Variants in CCDC188 observed in about 807,000 individuals in gnomAD.
The protein encoded by CCDC188 is coiled-coil domain containing 188.
CCDC188 carries 37 observed loss-of-function variants against 50.7 expected under a neutral mutation model. That is an observed-to-expected ratio of 0.73 (90% confidence interval 0.56 to 0.96). CCDC188 has a LOEUF of 0.96. Ranked by LOEUF, CCDC188 falls within the 40% of genes least tolerant of loss-of-function variation. The probability of loss-of-function intolerance (pLI) is 0.00; values close to 1 mark genes in which losing one functional copy is unlikely to be tolerated. For missense variants in CCDC188, 453 were observed against 512.9 expected (o/e 0.88, Z 1.13); for synonymous variants, 208 against 228.0 (o/e 0.91, Z 0.79).
chr22:20,149,201 T>A lies in CCDC188; in HGVS notation c.958A>T (p.Met320Leu). 1 of 1,469,106 alleles carries A rather than the reference T, an allele frequency of 6.8e-7. No individual in the cohort carries two copies. The highest frequency in any genetic ancestry group is 9.0e-7 in the Non-Finnish European group (1 of 1,106,842). 91.0% of individuals were successfully genotyped at this position (1,469,106 alleles called of 1,614,324 possible). A position where few individuals can be genotyped will look rare whatever the true frequency, so the allele number is the denominator to read the frequency against. ...CRTRARKEKQ[M>L]ASMSKGRPKL... ...GGGGGGCTCACCGACATGCTTGCCA[T>A]CTGCTTCTCCTTCCTGGCTCGAGTG... Residue 320 changes from methionine (M) to leucine (L), a missense_variant, in exon 7 of 9, where the codon ATG (methionine) becomes TTG (leucine). Met to Leu is a conservative substitution (Grantham distance 15, BLOSUM62 2). Transcript: ENST00000439765.
At position 20,149,777 on chromosome 22, in the gene CCDC188, C is replaced by T. The variant is rs1366483978; in HGVS notation, c.736G>A (p.Glu246Lys). 4.6e-6 allele frequency: 7 copies of T among 1,512,614 alleles called. No homozygotes were observed. The highest frequency in any genetic ancestry group is 3.9e-5 in the South Asian group (3 of 77,288). The allele number at this position is 1,512,614 out of a possible 1,614,324, so 93.7% of individuals were successfully genotyped here. The change falls in exon 4 of 9, where the codon GAG becomes AAG. Residue 246 changes from glutamate (E) to lysine (K), a missense_variant. Coordinates refer to ENST00000439765, the MANE Select transcript of CCDC188 (RefSeq NM_001365892.2). ...QEAFVQQSQN[E>K]LQQIRLCFER... ...AAGCACAGGCGGATCTGCTGCAGCT[C>T]GTTCTGAGGGTGGGGCCCAGGATGG...
At position 20,150,837 on chromosome 22, in the gene CCDC188, G is replaced by T; in HGVS notation, c.150C>A (p.His50Gln). The change falls in exon 1 of 9, where the codon CAC becomes CAA. Residue 50 changes from histidine (H) to glutamine (Q), a missense_variant. His to Gln is a conservative substitution (Grantham distance 24). Transcript: ENST00000439765. ...WPCLGPISSA[H>Q]SVQSQRPFPV... ...GGAAAGGTCTCTGGGACTGCACTGA[G>T]TGAGCAGAGGAGATGGGGCCCAGGC... The T allele has an allele frequency of 6.5e-7, 1 of 1,531,966 alleles. No homozygotes were observed. Among genetic ancestry groups the T allele is most frequent in the Non-Finnish European group, 8.8e-7 (1 of 1,133,624 alleles). The allele number at this position is 1,531,966 out of a possible 1,614,324, so 94.9% of individuals were successfully genotyped here.
At position 20,149,217 on chromosome 22, in the gene CCDC188, G is replaced by A; in HGVS notation, c.942C>T (p.Ala314=). ...LRERAQCRTR[A]RKEKQMASMS... is the part of the protein sequence containing the mutation. ...TGCTTGCCATCTGCTTCTCCTTCCT[G>A]GCTCGAGTGCGGCACTGGGCCCGCT... The change falls in exon 7 of 9, where the codon GCC becomes GCT. Residue 314 remains alanine (A), a synonymous_variant. Coordinates refer to ENST00000439765, the MANE Select transcript of CCDC188 (RefSeq NM_001365892.2). 6.8e-7 allele frequency: 1 copy of A among 1,473,292 alleles called. No individual in the cohort carries two copies. Among genetic ancestry groups the A allele is most frequent in the South Asian group, 1.4e-5 (1 of 71,018 alleles). The allele number at this position is 1,473,292 out of a possible 1,614,324, so 91.3% of individuals were successfully genotyped here.
At chr22:20,149,676 C>T (rs1181969054) in intron 4 of CCDC188, 36 bp from the exon 5 acceptor site, 6 of 1,545,878 alleles carry the variant, frequency 3.9e-6, no homozygotes, top group Non-Finnish European at 5.2e-6. Flanking sequence ...AGGAGCAGGA[C>T]CCACTGGGTG....
chr22:20,149,490 G>A lies in CCDC188; in HGVS notation c.850-14C>T, dbSNP rs1428444588. 3 of 1,550,048 alleles carry A rather than the reference G, an allele frequency of 1.9e-6. No individual in the cohort carries two copies. The highest frequency in any genetic ancestry group is 3.9e-5 in the Admixed American group (2 of 50,982). ...CTTCTTGAGGTTCTGGGGGCCAGAG[G>A]AGGTAAGCACAGCAGGCCCCTCGCC... is the stretch of plus-strand genomic sequence containing the variant. On this transcript the variant is annotated splice_polypyrimidine_tract_variant and intron_variant, in intron 5 of 8. Transcript: ENST00000439765.
In CCDC188 at chr22:20,150,733, C is replaced by G. The variant is rs772806750; in HGVS notation, c.254G>C (p.Arg85Thr). The G allele has an allele frequency of 1.1e-4, 165 of 1,550,126 alleles. No homozygotes were observed. Among genetic ancestry groups the G allele is most frequent in the Non-Finnish European group, 1.7e-5 (20 of 1,146,848 alleles). Residue 85 changes from arginine to threonine, a missense_variant, in exon 1 of 9, where the codon AGA becomes ACA. Arg to Thr is a moderately conservative substitution (Grantham distance 71, BLOSUM62 -1). Transcript: ENST00000439765. ...TCTCGGCCCCTCAGTGTCTCTCGCT[C>G]TCTGCTCCTGGCTGGACAGAAAGAG... ...PGLFLSSQEQ[R>T]ARDTEGPRQG...
In CCDC188 at chr22:20,150,198, C is replaced by T. The variant is rs191736748; in HGVS notation, c.572G>A (p.Gly191Glu). ...GGGACACAGGGGCAGGAACTGCTGC[C>T]CCGGCCCCAGGAGGGCCCCCAGCTG... ...REQLGALLGP[G>E]QQFLPLCPEH... is the part of the protein sequence containing the mutation. The change falls in exon 2 of 9, where the codon GGG becomes GAG. Residue 191 changes from glycine to glutamate, a missense_variant. Gly to Glu is a moderately conservative substitution (Grantham distance 98). Coordinates refer to ENST00000439765, the MANE Select transcript of CCDC188 (RefSeq NM_001365892.2). 6.0e-4 allele frequency: 930 copies of T among 1,548,502 alleles called. 4 individuals carry two copies. The highest frequency in any genetic ancestry group is 3.7e-3 in the Middle Eastern group (22 of 5,984).
chr22:20,149,228 G>T lies in CCDC188; in HGVS notation c.931C>A (p.Arg311Ser). The T allele has an allele frequency of 2.0e-6, 3 of 1,476,696 alleles. No individual in the cohort carries two copies. The highest frequency in any genetic ancestry group is 1.4e-5 in the African/African-American group (1 of 70,946). The allele number at this position is 1,476,696 out of a possible 1,614,324, so 91.5% of individuals were successfully genotyped here. The change falls in exon 7 of 9, where the codon CGC becomes AGC. Residue 311 changes from arginine (R) to serine (S), a missense_variant. Transcript: ENST00000439765. ...LEILRERAQC[R>S]TRARKEKQMA... Reference sequence around the variant, plus strand: ...TGCTTCTCCTTCCTGGCTCGAGTGCGGCACTGGGCCCGCTCCCTGCGGGGG... The same window carrying T: ...TGCTTCTCCTTCCTGGCTCGAGTGCTGCACTGGGCCCGCTCCCTGCGGGGG...
intron 1 of CCDC188, 45 bp downstream of exon 1, chr22:20,150,423 G>A: frequency 6.8e-7 from 1 of 1,474,606 alleles, no homozygotes; most frequent in Middle Eastern, 2.4e-4. Flanking sequence ...ACCAGGCGGT[G>A]GGTGGGGCTG....
rs1479648301 is a variant in CCDC188, at chr22:20,149,483, G to A, written c.850-7C>T. The A allele has an allele frequency of 2.6e-6, 4 of 1,550,078 alleles. No homozygotes were observed. Among genetic ancestry groups the A allele is most frequent in the Non-Finnish European group, 3.5e-6 (4 of 1,146,854 alleles). On this transcript the variant is annotated splice_polypyrimidine_tract_variant and splice_region_variant and intron_variant, in intron 5 of 8. Transcript: ENST00000439765. ...GGATGTCCTTCTTGAGGTTCTGGGG[G>A]CCAGAGGAGGTAAGCACAGCAGGCC...
intron 8 of CCDC188, 27 bp from the exon 9 acceptor site, chr22:20,148,827 G>T (rs911324548): frequency 3.4e-6 from 5 of 1,462,340 alleles, no homozygotes; most frequent in Non-Finnish European, 4.5e-6. Context: ...TCAGGGGCAG[G>T]GGCGCGCGGG....
rs1239589668 is a variant in CCDC188, at chr22:20,148,669, C to T, written c.1154G>A (p.Arg385Gln). Residue 385 changes from arginine to glutamine, a missense_variant, in exon 9 of 9, where the codon CGG (arginine) becomes CAG (glutamine). Coordinates refer to ENST00000439765, the MANE Select transcript of CCDC188 (RefSeq NM_001365892.2). ...LLSRATVWKLRALLDPFLRLK... is the reference protein window; with the variant it reads ...LLSRATVWKLQALLDPFLRLK... ...GCGCAGGAAGGGGTCCAGCAGGGCC[C>T]GGAGCTTCCAGACGGTGGCACGGCT... The T allele has an allele frequency of 9.0e-6, 14 of 1,547,112 alleles. No homozygotes were observed. The highest frequency in any genetic ancestry group is 3.6e-5 in the South Asian group (3 of 83,862).
Position 20,150,620 on chromosome 22 carries a change from C to A in CCDC188, c.367G>T (p.Gly123Cys). 1 of 1,543,258 alleles carries A rather than the reference C, an allele frequency of 6.5e-7. No individual in the cohort carries two copies. The highest frequency in any genetic ancestry group is 2.0e-5 in the Admixed American group (1 of 50,712). The change falls in exon 1 of 9, where the codon GGC becomes TGC. Residue 123 changes from glycine (G) to cysteine (C), a missense_variant. By Grantham distance (159) the Gly-to-Cys change is radical (BLOSUM62 -3). Transcript: ENST00000439765. ...CATGGGCAGGGTCTGGTCCCTGAGCCAATGGATCCCCCCTGCCTGGGAGCC... is the reference window on the plus strand; with the variant it reads ...CATGGGCAGGGTCTGGTCCCTGAGCAAATGGATCCCCCCTGCCTGGGAGCC... ...QGAPRQGGSI[G>C]SGTRPCPCPP...
Position 20,150,701 on chromosome 22 carries a change from C to A in CCDC188, c.286G>T (p.Asp96Tyr). ...ARDTEGPRQG[D>Y]LEAGLGWGWP... ...CCCCACCCAAGCCCTGCCTCCAGGT[C>A]TCCTTGTCTCGGCCCCTCAGTGTCT... Residue 96 changes from aspartate to tyrosine, a missense_variant, in exon 1 of 9, where the codon GAC (aspartate) becomes TAC (tyrosine). Physicochemically the swap from Asp to Tyr is radical, Grantham distance 160. Coordinates refer to ENST00000439765, the MANE Select transcript of CCDC188 (RefSeq NM_001365892.2). 1 of 1,550,096 alleles carries A rather than the reference C, an allele frequency of 6.5e-7. No individual in the cohort carries two copies. The highest frequency in any genetic ancestry group is 8.7e-7 in the Non-Finnish European group (1 of 1,146,758).
intron 5 of CCDC188, 33 bp from the exon 6 acceptor site, chr22:20,149,509 C>A (rs2050579193): frequency 1.3e-6 from 2 of 1,549,840 alleles, no homozygotes. Context: ...ACAGCAGGCC[C>A]CTCGCCCCGC....
chr22:20,150,159 C>A lies in CCDC188; in HGVS notation c.611G>T (p.Cys204Phe). 1.3e-6 allele frequency: 2 copies of A among 1,548,110 alleles called. No homozygotes were observed. The highest frequency in any genetic ancestry group is 2.4e-5 in the South Asian group (2 of 83,934). ...FLPLCPEHSS[C>F]TALAWPPDPA... ...TGTATTTACCCAGGCCAGAGCAGTG[C>A]AGCTTGAGTGTTCGGGACACAGGGG... Residue 204 changes from cysteine (C) to phenylalanine (F), a missense_variant, in exon 2 of 9, where the codon TGC (cysteine) becomes TTC (phenylalanine). Transcript: ENST00000439765.
chr22:20,148,957 C>A, intron 7 of CCDC188, 33 bp from the exon 8 acceptor site: 1 of 1,462,152 alleles, frequency 6.8e-7, no homozygotes. Flanking sequence ...GAGCCCACCC[C>A]GAGTGTCCAG....
rs1188158800 is a variant in CCDC188, at chr22:20,149,171, G to T, written c.972+16C>A. ...GGGCTGGTCTCCAGACCCAGAGTGG[G>T]GCGTGGGGGGCTCACCGACATGCTT... On this transcript the variant is annotated intron_variant, in intron 7 of 8. Coordinates refer to ENST00000439765, the MANE Select transcript of CCDC188 (RefSeq NM_001365892.2). 6.8e-7 allele frequency: 1 copy of T among 1,462,898 alleles called. No individual in the cohort carries two copies. The highest frequency in any genetic ancestry group is 1.4e-5 in the South Asian group (1 of 69,490). 90.6% of individuals were successfully genotyped at this position (1,462,898 alleles called of 1,614,324 possible).
In CCDC188 at chr22:20,150,450, G is replaced by GGGGCA. The variant is rs2050605453; in HGVS notation, c.519+17_519+18insTGCCC. On this transcript the variant is annotated intron_variant, in intron 1 of 8. Coordinates refer to ENST00000439765, the MANE Select transcript of CCDC188 (RefSeq NM_001365892.2). ...GTGGGGCTGGGGCTGGGGCTGGGGC[G>GGGGCA]GTGGGTGGGGTGCTCACCAGGCTGT... The GGGGCA allele has an allele frequency of 3.1e-6, 4 of 1,281,910 alleles. No individual in the cohort carries two copies. Among genetic ancestry groups the GGGGCA allele is most frequent in the Admixed American group, 2.2e-5 (1 of 44,714 alleles). 79.4% of individuals were successfully genotyped at this position (1,281,910 alleles called of 1,614,324 possible).
Sources: gnomAD v4.1 joint callset for allele counts on GRCh38, gnomAD v4.1.1 for gene constraint, MANE v1.5 for transcripts, NCBI Gene and HGNC (gene_info 2026-07-23, HGNC 2026-07-21) for gene names.